Variants in HMGB1 observed in about 807,000 individuals in gnomAD.
The protein encoded by HMGB1 is high mobility group box 1, also known as high mobility group protein B1.
For synonymous variants in HMGB1, 81 were observed against 84.0 expected, an observed-to-expected ratio of 0.96 and a Z score of 0.19; for missense variants, 79 against 253.5, an observed-to-expected ratio of 0.31 and a Z score of 4.67.
Position 30,559,275 on chromosome 13 carries a change from G to A in HMGB1, c.-15+57396C>T, listed in dbSNP as rs967885617. Reference sequence around the variant, plus strand: ...CAGTGCTTCCTGTGCTTCTAGAGTGGCTAGGGAAGCACACTATGGGACAAC... The same window carrying A: ...CAGTGCTTCCTGTGCTTCTAGAGTGACTAGGGAAGCACACTATGGGACAAC... On this transcript the variant is annotated intron_variant, in intron 1 of 4. Coordinates refer to the HMGB1 transcript ENST00000405805. This position sits in a 1 kb window ranked among gnomAD's most constrained non-coding sequence, Gnocchi z 6.6. Among the ~76,000 whole-genome samples the A allele has an allele frequency of 3.3e-5, 5 of 152,024 alleles. No individual in the cohort carries two copies. Among genetic ancestry groups the A allele is most frequent in the African/African-American group, 1.2e-4 (5 of 41,376 alleles).
intron 1 of HMGB1, among the ~76,000 whole-genome samples, chr13:30,594,618 C>A (rs1349715918): frequency 6.6e-6 from 1 of 152,032 alleles, no homozygotes; most frequent in African/African-American, 2.4e-5. Context: ...TTTTCTTTAT[C>A]CACTCATCAA....
intron 1 of HMGB1, among the ~76,000 whole-genome samples, chr13:30,475,134 C>CT (rs1565999369): frequency 8.8e-5 from 4 of 45,694 alleles, no homozygotes; most frequent in Admixed American, 3.5e-4. Flanking sequence ...CTCTCTCTCT[C>CT]TCTCTTTTTT....
chr13:30,463,126 A>G, intron 3 of HMGB1, 81 bp downstream of exon 3: 1 of 1,357,542 alleles, frequency 7.4e-7, no homozygotes. Context: ...TACACTCTAA[A>G]CTGACAAAGT....
chr13:30,462,651 G>A lies in HMGB1; in HGVS notation c.358C>T (p.Leu120=), dbSNP rs899505127. 6.2e-7 allele frequency: 1 copy of A among 1,611,398 alleles called. No individual in the cohort carries two copies. Among genetic ancestry groups the A allele is most frequent in the Non-Finnish European group, 8.5e-7 (1 of 1,177,782 alleles). The change falls in exon 4 of 5, where the codon CTG becomes TTG. Residue 120 remains leucine, a synonymous_variant. Transcript: ENST00000341423. ...TTCTTCGCAACATCACCAATGGACA[G>A]GCCAGGATGTTCTCCTTTGATTTTT... The part of the protein sequence containing the change: ...RPKIKGEHPG[L]SIGDVAKKLG...
chr13:30,507,148 A>G lies in HMGB1; in HGVS notation c.-14-43454T>C, dbSNP rs1467400995. Among the ~76,000 whole-genome samples, 3 of 152,186 alleles carry G rather than the reference A, an allele frequency of 2.0e-5. No homozygotes were observed. The East Asian group carries it at 5.8e-4, about 29-fold the overall frequency. On this transcript the variant is annotated intron_variant, in intron 1 of 4. Transcript: ENST00000405805. ...TTCTGTCACTCACTCATAAAAGTGC[A>G]GTCTTCCACTATAGCTCAAATGCCT... is the stretch of plus-strand genomic sequence containing the variant.
At chr13:30,561,490 T>G (rs1869949046) in intron 1 of HMGB1, among the ~76,000 whole-genome samples, 1 of 152,126 alleles carries the variant, frequency 6.6e-6, no homozygotes, top group Non-Finnish European at 1.5e-5. Flanking sequence ...AGGCAGAAGA[T>G]GTTCTTAAAG....
chr13:30,538,715 C>CT (rs1566019280), intron 1 of HMGB1, among the ~76,000 whole-genome samples: 4 of 78,898 alleles, frequency 5.1e-5, no homozygotes, highest in South Asian at 3.7e-4. Flanking sequence ...TTCTTTCTTT[C>CT]TTCTTTTTCT....
At chr13:30,556,385 CAA>C (rs1160705765) in intron 1 of HMGB1, among the ~76,000 whole-genome samples, 1 of 152,148 alleles carries the variant, frequency 6.6e-6, no homozygotes, top group African/African-American at 2.4e-5. Context: ...GCCTGGGCAA[CAA>C]GAGAGAAACT....
intron 1 of HMGB1, among the ~76,000 whole-genome samples, chr13:30,583,765 G>C (rs538246527): frequency 6.6e-6 from 1 of 150,652 alleles, no homozygotes; most frequent in African/African-American, 2.4e-5. Flanking sequence ...CTTGAACCCG[G>C]GAGGCGAAGG....
At chr13:30,595,188 A>G (rs1195358505) in intron 1 of HMGB1, among the ~76,000 whole-genome samples, 2 of 150,780 alleles carry the variant, frequency 1.3e-5, no homozygotes, top group Non-Finnish European at 2.9e-5. Flanking sequence ...AGTCTCAGAT[A>G]AAAAATTGTA....
At chr13:30,605,001 A>T (rs1325015733) in intron 1 of HMGB1, among the ~76,000 whole-genome samples, 1 of 152,128 alleles carries the variant, frequency 6.6e-6, no homozygotes, top group Non-Finnish European at 1.5e-5. Context: ...CTGAGGGATT[A>T]AATGTAAGGT....
chr13:30,532,008 T>C (rs1367722304), intron 1 of HMGB1, among the ~76,000 whole-genome samples: 1 of 152,032 alleles, frequency 6.6e-6, no homozygotes, highest in Non-Finnish European at 1.5e-5. Context: ...TTTATGGTAT[T>C]ATAGATTTCT....
intron 1 of HMGB1, among the ~76,000 whole-genome samples, chr13:30,612,746 C>T (rs943784882): frequency 6.6e-6 from 1 of 151,972 alleles, no homozygotes. Flanking sequence ...GTTTCTTTAT[C>T]TGCACTTAAT....
At chr13:30,566,022 CTG>C (rs1325042612) in intron 1 of HMGB1, among the ~76,000 whole-genome samples, 10 of 152,218 alleles carry the variant, frequency 6.6e-5, no homozygotes, top group African/African-American at 2.2e-4. Flanking sequence ...CCTATTCAGA[CTG>C]TGGTTTACCT....
At chr13:30,590,354 T>C (rs1157942802) in intron 1 of HMGB1, among the ~76,000 whole-genome samples, 1 of 152,174 alleles carries the variant, frequency 6.6e-6, no homozygotes, top group Non-Finnish European at 1.5e-5. Flanking sequence ...GACTGGGTTA[T>C]GAGACTGGCT....
intron 1 of HMGB1, among the ~76,000 whole-genome samples, chr13:30,594,272 G>T (rs569186684): frequency 3.3e-5 from 5 of 152,188 alleles, no homozygotes; most frequent in African/African-American, 1.2e-4. Flanking sequence ...TATTACTTGG[G>T]TATATTGTGT....
chr13:30,495,346 C>T (rs1216247206), intron 1 of HMGB1, among the ~76,000 whole-genome samples: 1 of 152,194 alleles, frequency 6.6e-6, no homozygotes, highest in Non-Finnish European at 1.5e-5. Flanking sequence ...TTCCACTCTC[C>T]TTTTGAACAA....
At chr13:30,604,655 T>C (rs927673088) in intron 1 of HMGB1, among the ~76,000 whole-genome samples, 4 of 152,152 alleles carry the variant, frequency 2.6e-5, no homozygotes, top group African/African-American at 9.7e-5. Flanking sequence ...CTTCCCAATG[T>C]TTTTTTGTTT....
At chr13:30,589,600 G>A (rs1299071948) in intron 1 of HMGB1, among the ~76,000 whole-genome samples, 1 of 152,194 alleles carries the variant, frequency 6.6e-6, no homozygotes, top group African/African-American at 2.4e-5. Flanking sequence ...TGTGCATGGT[G>A]GCTCATGCCT....
Sources: allele counts gnomAD v4.1 joint callset (sites outside exome capture counted in the v4.1 genomes callset), GRCh38; gene constraint gnomAD v4.1.1; non-coding constraint Gnocchi (gnomAD v3.1); transcripts MANE v1.5; gene names NCBI Gene and HGNC (gene_info 2026-07-23, HGNC 2026-07-21).